Variants in KHDRBS2 observed in about 807,000 individuals in gnomAD.
The protein encoded by KHDRBS2 is KH domain-containing, RNA-binding, signal transduction-associated protein 2.
A neutral mutation model predicts 44.3 loss-of-function variants in KHDRBS2; 26 were observed. The ratio of observed to expected loss-of-function variants is 0.59; its 90% CI spans 0.43 to 0.81. The LOEUF (loss-of-function observed/expected upper bound fraction) is 0.81. KHDRBS2 is among the 40% of genes least tolerant of loss of function. KHDRBS2 has a pLI of 0.00. For synonymous variants in KHDRBS2, 194 were observed against 151.1 expected (o/e 1.28, Z -2.08); for missense variants, 476 against 433.1 (o/e 1.10, Z -0.88).
At chr6:62,081,233 A>T (rs1473333650) in intron 2 of KHDRBS2, among the ~76,000 whole-genome samples, 3 of 152,146 alleles carry the variant, frequency 2.0e-5, no homozygotes, top group Non-Finnish European at 4.4e-5. Flanking sequence ...GTGCTAAAAG[A>T]TACAGTACAA....
At chr6:61,558,590 A>G in the KHDRBS2 span, among the ~76,000 whole-genome samples, 1 of 152,204 alleles carries the variant, frequency 6.6e-6, no homozygotes, top group Admixed American at 6.5e-5. Context: ...TTTTTGCTAT[A>G]TCTCATAGGT....
At chr6:61,886,841 T>C (rs2082068550) in intron 6 of KHDRBS2, among the ~76,000 whole-genome samples, 1 of 152,202 alleles carries the variant, frequency 6.6e-6, no homozygotes, top group Non-Finnish European at 1.5e-5. Context: ...AGAGTAGAGA[T>C]AGTTTCTCTT....
intron 2 of KHDRBS2, among the ~76,000 whole-genome samples, chr6:62,095,439 C>T (rs1800379281): frequency 6.6e-6 from 1 of 151,736 alleles, no homozygotes; most frequent in Non-Finnish European, 1.5e-5. Context: ...TACACAAATA[C>T]TATTGTGTTA....
At chr6:62,088,779 C>T (rs574694093) in intron 2 of KHDRBS2, among the ~76,000 whole-genome samples, 64 of 152,300 alleles carry the variant, frequency 4.2e-4, no homozygotes, top group African/African-American at 1.5e-3. Context: ...CTCTTCAGAG[C>T]CGGCAGGCAG....
the KHDRBS2 span, among the ~76,000 whole-genome samples, chr6:61,598,291 G>A: frequency 6.6e-6 from 1 of 151,740 alleles, no homozygotes; most frequent in African/African-American, 2.4e-5. Context: ...ATGACTCAAA[G>A]CCAAAACAAG....
intron 1 of KHDRBS2, among the ~76,000 whole-genome samples, chr6:62,276,524 C>T (rs1840962495): frequency 6.6e-6 from 1 of 152,190 alleles, no homozygotes; most frequent in Non-Finnish European, 1.5e-5. Flanking sequence ...GTTCCCTCTG[C>T]TCTGCCACCA....
intron 6 of KHDRBS2, among the ~76,000 whole-genome samples, chr6:61,771,582 G>A (rs1456558023): frequency 6.6e-6 from 1 of 152,024 alleles, no homozygotes; most frequent in African/African-American, 2.4e-5. Flanking sequence ...GATCAAAAGA[G>A]ACAAAGAAGG....
chr6:61,911,459 C>T (rs1433606926), intron 4 of KHDRBS2, among the ~76,000 whole-genome samples: 1 of 152,064 alleles, frequency 6.6e-6, no homozygotes, highest in African/African-American at 2.4e-5. Context: ...AGAAACATTT[C>T]AATAAAATAG....
chr6:62,234,935 T>C lies in KHDRBS2; in HGVS notation c.91+50923A>G, dbSNP rs1585335196. Among the ~76,000 whole-genome samples the C allele has an allele frequency of 5.3e-5, 8 of 151,968 alleles. 1 individual carries two copies. The South Asian group carries it at 1.7e-3, about 31-fold the overall frequency. On this transcript the variant is annotated intron_variant, in intron 1 of 8. Coordinates refer to ENST00000281156, the MANE Select transcript of KHDRBS2 (RefSeq NM_152688.4). ...AAACAAAATTTTGAACTATAAAAATTATAATATTTAAAATGCTAGTATATC... is the reference window on the plus strand; with the variant it reads ...AAACAAAATTTTGAACTATAAAAATCATAATATTTAAAATGCTAGTATATC...
At chr6:61,750,161 A>T (rs1272922613) in intron 6 of KHDRBS2, among the ~76,000 whole-genome samples, 12 of 152,194 alleles carry the variant, frequency 7.9e-5, no homozygotes, top group Non-Finnish European at 1.5e-5. Flanking sequence ...GAATATCTTA[A>T]ATATAGAAAG....
intron 2 of KHDRBS2, among the ~76,000 whole-genome samples, chr6:62,159,293 A>AC (rs1318757954): frequency 6.6e-6 from 1 of 152,162 alleles, no homozygotes; most frequent in Non-Finnish European, 1.5e-5. Context: ...ATTACAGTTG[A>AC]GTAAAATTTG....
At chr6:61,962,612 G>T (rs1403980515) in intron 4 of KHDRBS2, among the ~76,000 whole-genome samples, 4 of 151,992 alleles carry the variant, frequency 2.6e-5, no homozygotes, top group Non-Finnish European at 4.4e-5. Context: ...AAAATTTGGG[G>T]AGTTCTTTTT....
At chr6:61,559,096 G>A in the KHDRBS2 span, among the ~76,000 whole-genome samples, 1 of 152,040 alleles carries the variant, frequency 6.6e-6, no homozygotes, top group Non-Finnish European at 1.5e-5. Context: ...TGTGGGTGCT[G>A]CAGTGTTGGA....
chr6:61,771,318 T>C (rs969976475), intron 6 of KHDRBS2, among the ~76,000 whole-genome samples: 1 of 151,990 alleles, frequency 6.6e-6, no homozygotes, highest in African/African-American at 2.4e-5. Context: ...AATGACAGGA[T>C]CAAATTCACA....
intron 7 of KHDRBS2, among the ~76,000 whole-genome samples, chr6:61,703,196 T>C (rs188475344): frequency 6.6e-6 from 1 of 151,976 alleles, no homozygotes; most frequent in Non-Finnish European, 1.5e-5. Flanking sequence ...AAGAACATGA[T>C]AAATGAAACA....
intron 2 of KHDRBS2, among the ~76,000 whole-genome samples, chr6:62,064,316 T>C (rs911144008): frequency 6.0e-5 from 9 of 149,754 alleles, no homozygotes; most frequent in African/African-American, 2.2e-4. Context: ...AGAGCCCACA[T>C]CGCCAAGTCA....
intron 1 of KHDRBS2, among the ~76,000 whole-genome samples, chr6:62,264,022 G>A (rs1342744497): frequency 6.6e-6 from 1 of 151,656 alleles, no homozygotes; most frequent in Non-Finnish European, 1.5e-5. Context: ...TGCACAAAAT[G>A]CAATCTGAAA....
intron 4 of KHDRBS2, among the ~76,000 whole-genome samples, chr6:61,941,745 A>C (rs77498053): frequency 0.061 from 9,249 of 152,286 alleles, 324 homozygotes; most frequent in Middle Eastern, 0.15. Flanking sequence ...AACACCGTAG[A>C]TACATCTTTA....
intron 3 of KHDRBS2, among the ~76,000 whole-genome samples, chr6:62,025,400 G>A (rs752203323): frequency 4.0e-5 from 6 of 151,082 alleles, no homozygotes; most frequent in Non-Finnish European, 8.9e-5. Context: ...TTCTACCTCT[G>A]AAAGAAATAT....
Sources: allele counts gnomAD v4.1 joint callset (sites outside exome capture counted in the v4.1 genomes callset), GRCh38; gene constraint gnomAD v4.1.1; transcripts MANE v1.5; gene names NCBI Gene and HGNC (gene_info 2026-07-23, HGNC 2026-07-21).